Variants in SRBD1 observed in about 807,000 individuals in gnomAD.
SRBD1 encodes the protein S1 RNA-binding domain-containing protein 1.
Under a neutral mutation model 115.3 loss-of-function variants are expected in SRBD1, and 88 were observed. The observed-to-expected ratio is 0.76, with a 90% CI of 0.64 to 0.91. SRBD1 has a LOEUF of 0.91. Ranked by LOEUF, SRBD1 falls within the 40% of genes least tolerant of loss-of-function variation. The probability of loss-of-function intolerance (pLI) is 0.00; values close to 1 mark genes in which losing one functional copy is unlikely to be tolerated. For synonymous variants in SRBD1, 509 were observed against 407.7 expected (o/e 1.25, Z -2.99); for missense variants, 1,385 against 1,177.4 (o/e 1.18, Z -2.58).
chr2:45,534,634 G>C (rs1008268474), intron 14 of SRBD1, among the ~76,000 whole-genome samples: 1 of 151,868 alleles, frequency 6.6e-6, no homozygotes. Flanking sequence ...TGCATATAGA[G>C]GAGACAGGAT....
intron 14 of SRBD1, among the ~76,000 whole-genome samples, chr2:45,516,423 AATG>A (rs1480147441): frequency 6.6e-6 from 1 of 152,240 alleles, no homozygotes; most frequent in Non-Finnish European, 1.5e-5. Flanking sequence ...CATCCTTAAA[AATG>A]ATGAGAAGCC....
At chr2:45,487,582 T>C (rs1670158588) in intron 15 of SRBD1, among the ~76,000 whole-genome samples, 1 of 152,162 alleles carries the variant, frequency 6.6e-6, no homozygotes, top group Non-Finnish European at 1.5e-5. Flanking sequence ...TATTACTTTT[T>C]GCCAATAAAA....
intron 19 of SRBD1, among the ~76,000 whole-genome samples, chr2:45,393,752 C>T (rs1485494530): frequency 2.0e-5 from 3 of 152,146 alleles, no homozygotes; most frequent in East Asian, 1.9e-4. Flanking sequence ...GCTATCTGTT[C>T]CCTACAATTT....
intron 16 of SRBD1, among the ~76,000 whole-genome samples, chr2:45,451,717 G>C (rs1669003179): frequency 1.3e-5 from 2 of 149,936 alleles, no homozygotes; most frequent in Non-Finnish European, 3.0e-5. Flanking sequence ...ACTTCAACAA[G>C]TCTTTTCTTT....
At chr2:45,458,957 T>C (rs1170470761) in intron 16 of SRBD1, among the ~76,000 whole-genome samples, 1 of 152,098 alleles carries the variant, frequency 6.6e-6, no homozygotes. Context: ...AATTACATGA[T>C]GAGAAACAGC....
rs573634527 is a variant in SRBD1, at chr2:45,425,352, C to A, written c.2050-5458G>T. The stretch of plus-strand genomic sequence containing the variant: ...ATGTACATATGACTTTATGCAGTAT[C>A]TTCATATATAAGATTTTTTCTAAGG... On this transcript the variant is annotated intron_variant, in intron 16 of 20. Transcript: ENST00000263736. Among the ~76,000 whole-genome samples the A allele has an allele frequency of 1.5e-4, 23 of 152,206 alleles. No individual in the cohort carries two copies. The South Asian group carries it at 4.8e-3, about 32-fold the overall frequency.
chr2:45,496,766 G>A (rs1259004778), intron 14 of SRBD1, among the ~76,000 whole-genome samples: 1 of 152,092 alleles, frequency 6.6e-6, no homozygotes, highest in East Asian at 1.9e-4. Context: ...TACCTCAGCA[G>A]GAGTCACCAC....
At chr2:45,586,413 T>C (rs779515603) in intron 4 of SRBD1, among the ~76,000 whole-genome samples, 3 of 152,198 alleles carry the variant, frequency 2.0e-5, no homozygotes, top group Non-Finnish European at 4.4e-5. Flanking sequence ...TGAACTAATA[T>C]GAAATGATTC....
intron 16 of SRBD1, among the ~76,000 whole-genome samples, chr2:45,428,563 T>C (rs138888094): frequency 8.1e-6 from 1 of 123,584 alleles, no homozygotes; most frequent in African/African-American, 2.8e-5. Context: ...AAAAAATAAA[T>C]AAATAAATAA....
intron 4 of SRBD1, among the ~76,000 whole-genome samples, chr2:45,587,780 T>A (rs1230355180): frequency 6.6e-6 from 1 of 152,196 alleles, no homozygotes; most frequent in African/African-American, 2.4e-5. Flanking sequence ...TATCCCTGAC[T>A]CTCTTTCACA....
At chr2:45,452,630 T>G (rs1414914549) in intron 16 of SRBD1, among the ~76,000 whole-genome samples, 4 of 152,064 alleles carry the variant, frequency 2.6e-5, no homozygotes, top group Non-Finnish European at 5.9e-5. Context: ...AGCTAAGTCT[T>G]GGCATACTGG....
chr2:45,431,129 CA>C (rs1273899581), intron 16 of SRBD1, among the ~76,000 whole-genome samples: 1 of 152,148 alleles, frequency 6.6e-6, no homozygotes, highest in East Asian at 1.9e-4. Flanking sequence ...ATTAAAAAGT[CA>C]GGAAACAACA....
chr2:45,414,475 G>A (rs113646339), intron 18 of SRBD1, among the ~76,000 whole-genome samples: 35 of 142,920 alleles, frequency 2.4e-4, no homozygotes, highest in African/African-American at 9.3e-4. Flanking sequence ...TGTGTATATA[G>A]TGTGTGTGTA....
intron 14 of SRBD1, among the ~76,000 whole-genome samples, chr2:45,497,710 C>A (rs546025320): frequency 8.6e-5 from 13 of 150,348 alleles, no homozygotes; most frequent in Non-Finnish European, 1.8e-4. Context: ...GTACAACCAT[C>A]ACCAAAATTC....
At chr2:45,506,979 A>G (rs974835520) in intron 14 of SRBD1, among the ~76,000 whole-genome samples, 1 of 152,114 alleles carries the variant, frequency 6.6e-6, no homozygotes, top group African/African-American at 2.4e-5. Context: ...CATCTCATGT[A>G]TCTGTGTTAT....
At chr2:45,422,274 C>A (rs1057049345) in intron 16 of SRBD1, among the ~76,000 whole-genome samples, 1 of 152,140 alleles carries the variant, frequency 6.6e-6, no homozygotes, top group Non-Finnish European at 1.5e-5. Context: ...CCTATCCTAA[C>A]CTCTAGTTGT....
intron 14 of SRBD1, among the ~76,000 whole-genome samples, chr2:45,509,377 A>G (rs1291030045): frequency 6.6e-6 from 1 of 152,074 alleles, no homozygotes; most frequent in Non-Finnish European, 1.5e-5. Context: ...CGGGCGGATC[A>G]TGAGGTCAGG....
intron 14 of SRBD1, among the ~76,000 whole-genome samples, chr2:45,502,687 G>T (rs1024908094): frequency 5.9e-5 from 9 of 151,908 alleles, no homozygotes; most frequent in East Asian, 1.9e-4. Flanking sequence ...GTCGTGGGGT[G>T]GGGGGAAGGG....
At chr2:45,593,085 A>C (rs970597347) in intron 4 of SRBD1, among the ~76,000 whole-genome samples, 1 of 152,182 alleles carries the variant, frequency 6.6e-6, no homozygotes, top group African/African-American at 2.4e-5. Context: ...ATGAGAGTAA[A>C]GGGGAAAAAA....
Sources: gnomAD v4.1 joint callset for allele counts (sites outside exome capture counted in the v4.1 genomes callset) on GRCh38, gnomAD v4.1.1 for gene constraint, MANE v1.5 for transcripts, NCBI Gene and HGNC (gene_info 2026-07-23, HGNC 2026-07-21) for gene names.